MSRA: variants seen among roughly 807,000 people sequenced by gnomAD.
The protein encoded by MSRA is methionine sulfoxide reductase A, also known as mitochondrial peptide methionine sulfoxide reductase.
MSRA carries 54 observed loss-of-function variants against 31.3 expected under a neutral mutation model. The ratio of observed to expected loss-of-function variants is 1.73; its 90% CI spans 1.39 to 2.17. The LOEUF (loss-of-function observed/expected upper bound fraction) is 2.17, where lower values mean the gene tolerates loss of function less well. Ranked by LOEUF, MSRA falls within the 30% of genes most tolerant of loss-of-function variation. The pLI, the probability that MSRA is intolerant of heterozygous loss-of-function variation, is 0.00. For missense variants in MSRA, 507 were observed against 300.9 expected (o/e 1.69, Z -5.07); for synonymous variants, 169 against 116.5 (o/e 1.45, Z -2.90).
intron 1 of MSRA, among the ~76,000 whole-genome samples, chr8:10,091,061 A>G (rs538092372): frequency 6.6e-6 from 1 of 152,210 alleles, no homozygotes; most frequent in African/African-American, 2.4e-5. Flanking sequence ...ACATGGTTCT[A>G]TTAATATGGT....
intron 5 of MSRA, among the ~76,000 whole-genome samples, chr8:10,403,309 C>A (rs997256109): frequency 6.6e-6 from 1 of 152,188 alleles, no homozygotes; most frequent in African/African-American, 2.4e-5. Flanking sequence ...AAAATGACAT[C>A]AACCCAGCCA....
intron 2 of MSRA, among the ~76,000 whole-genome samples, chr8:10,209,199 T>A (rs147675969): frequency 1.2e-4 from 19 of 152,238 alleles, no homozygotes; most frequent in Admixed American, 1.2e-3. Context: ...TTGCTAACTT[T>A]CCTGTCCCAG....
At chr8:10,250,333 C>A in intron 3 of MSRA, 1 of 678,246 alleles carries the variant, frequency 1.5e-6, no homozygotes, top group Non-Finnish European at 2.7e-6. Flanking sequence ...AATTTCAGTG[C>A]ATTAGCCTAA....
chr8:10,088,339 G>T (rs2128926086), intron 1 of MSRA, among the ~76,000 whole-genome samples: 1 of 152,306 alleles, frequency 6.6e-6, no homozygotes, highest in African/African-American at 2.4e-5. Flanking sequence ...TGGGAATATA[G>T]CTAAAGGAGA....
intron 5 of MSRA, among the ~76,000 whole-genome samples, chr8:10,339,556 T>TTTTTTTTTTTTTTC (rs1554531885): frequency 9.9e-6 from 1 of 100,718 alleles, no homozygotes; most frequent in African/African-American, 3.7e-5. Context: ...TTTTTTTTTT[T>TTTTTTTTTTTTTTC]TCTGAGACGG....
intron 2 of MSRA, among the ~76,000 whole-genome samples, chr8:10,244,050 A>T (rs150135403): frequency 2.6e-5 from 4 of 152,338 alleles, no homozygotes; most frequent in African/African-American, 4.8e-5. Context: ...GAATTTCAGT[A>T]AACTTCTAAT....
At chr8:10,085,298 C>T (rs1325413748) in intron 1 of MSRA, among the ~76,000 whole-genome samples, 2 of 152,168 alleles carry the variant, frequency 1.3e-5, no homozygotes, top group African/African-American at 4.8e-5. Flanking sequence ...TCCTCATGGC[C>T]CCATTTGAGA....
At chr8:10,297,897 G>A (rs926431048) in intron 3 of MSRA, among the ~76,000 whole-genome samples, 2 of 152,180 alleles carry the variant, frequency 1.3e-5, no homozygotes, top group African/African-American at 4.8e-5. Context: ...ATTCTTGACA[G>A]CCTCGTGTCA....
chr8:10,092,299 A>C (rs1798896873), intron 1 of MSRA, among the ~76,000 whole-genome samples: 1 of 151,976 alleles, frequency 6.6e-6, no homozygotes, highest in Non-Finnish European at 1.5e-5. Context: ...ATCATTTTAA[A>C]TTTATTGAGG....
At chr8:10,055,432 C>T (rs1215839352) in intron 1 of MSRA, among the ~76,000 whole-genome samples, 7 of 152,216 alleles carry the variant, frequency 4.6e-5, no homozygotes, top group Non-Finnish European at 1.0e-4. Flanking sequence ...CACGCGTTTC[C>T]CAGAACGAGG....
At chr8:10,377,980 G>A (rs1048820445) in intron 5 of MSRA, among the ~76,000 whole-genome samples, 1 of 152,234 alleles carries the variant, frequency 6.6e-6, no homozygotes, top group Non-Finnish European at 1.5e-5. Flanking sequence ...GGGAGCTCTG[G>A]CCCCAGAACA....
At chr8:10,147,627 G>T (rs1419591947) in intron 1 of MSRA, among the ~76,000 whole-genome samples, 1 of 152,192 alleles carries the variant, frequency 6.6e-6, no homozygotes, top group East Asian at 1.9e-4. Context: ...GGGCTGTCCT[G>T]GGGACAGTCT....
chr8:10,150,798 C>G (rs750789645), intron 1 of MSRA, among the ~76,000 whole-genome samples: 4 of 152,158 alleles, frequency 2.6e-5, no homozygotes, highest in Admixed American at 6.5e-5. Context: ...CTCTTCAGCT[C>G]CTGCATGTCC....
intron 1 of MSRA, among the ~76,000 whole-genome samples, chr8:10,084,077 T>G (rs1798424912): frequency 6.6e-6 from 1 of 152,232 alleles, no homozygotes; most frequent in Non-Finnish European, 1.5e-5. Context: ...AAGAGGCTGT[T>G]GGGTGCCATC....
chr8:10,408,184 G>C (rs1316422628), intron 5 of MSRA, among the ~76,000 whole-genome samples: 1 of 152,072 alleles, frequency 6.6e-6, no homozygotes, highest in Non-Finnish European at 1.5e-5. Context: ...GCAAAAATCG[G>C]GCTTCTCAGC....
At chr8:10,112,183 A>G (rs960585445) in intron 1 of MSRA, among the ~76,000 whole-genome samples, 2 of 152,166 alleles carry the variant, frequency 1.3e-5, no homozygotes, top group Non-Finnish European at 2.9e-5. Context: ...ACTCACCACA[A>G]TCACGTAGGG....
chr8:10,367,936 C>G (rs530602386), intron 5 of MSRA, among the ~76,000 whole-genome samples: 46 of 152,330 alleles, frequency 3.0e-4, no homozygotes, highest in African/African-American at 1.1e-3. Flanking sequence ...GGTGTGCTCA[C>G]TTACTCCAGG....
chr8:10,301,489 G>A, intron 3 of MSRA, 45 bp from the exon 4 acceptor site: 1 of 1,461,446 alleles, frequency 6.8e-7, no homozygotes. Flanking sequence ...TGCAATAAAT[G>A]GATGTTGTCA....
At chr8:10,192,595 A>G (rs1051675732) in intron 1 of MSRA, among the ~76,000 whole-genome samples, 1 of 152,254 alleles carries the variant, frequency 6.6e-6, no homozygotes, top group African/African-American at 2.4e-5. Context: ...TGAGTAGCAC[A>G]ATGTGGAGAT....
Sources: gnomAD v4.1 joint callset for allele counts (sites outside exome capture counted in the v4.1 genomes callset) on GRCh38, gnomAD v4.1.1 for gene constraint, MANE v1.5 for transcripts, NCBI Gene and HGNC (gene_info 2026-07-23, HGNC 2026-07-21) for gene names.